The following TNK2 variants were observed in gnomAD, a reference collection of about 807,000 sequenced individuals.
The protein encoded by TNK2 is activated CDC42 kinase 1.
A neutral mutation model predicts 101.8 loss-of-function variants in TNK2; 83 were observed. The observed-to-expected ratio is 0.82, with a 90% CI of 0.68 to 0.98. The LOEUF (loss-of-function observed/expected upper bound fraction) is 0.98. Ranked by LOEUF, TNK2 falls within the 50% of genes least tolerant of loss-of-function variation. The pLI, the probability that TNK2 is intolerant of heterozygous loss-of-function variation, is 0.00. For synonymous variants in TNK2, 804 were observed against 633.0 expected (o/e 1.27, Z -4.06); for missense variants, 1,665 against 1,483.2 (o/e 1.12, Z -2.01).
rs368269910 is a variant in TNK2 at position 195,867,837 on chromosome 3, G to A, written c.2461C>T (p.Arg821Trp). Residue 821 changes from arginine to tryptophan, a missense_variant, in exon 13 of 16, where the codon CGG becomes TGG. This residue lies in a region of TNK2 where 1,136 missense variants were observed against 894.9 expected (regional missense o/e 1.27). Coordinates refer to ENST00000672887, the MANE Select transcript of TNK2 (RefSeq NM_001382273.1). ...VPPGSSPLPP[R>W]LSSSPGKTMP... The stretch of plus-strand genomic sequence containing the variant: ...GTCTTCCCAGGTGAGCTTGAGAGCC[G>A]GGGTGGCAGCGGGGAGCTGCCAGGT... 2.5e-5 allele frequency: 38 copies of A among 1,537,646 alleles called. No individual in the cohort carries two copies. The highest frequency in any genetic ancestry group is 8.7e-5 in the Admixed American group (4 of 46,036).
rs186400192 is a variant in TNK2, at chr3:195,895,720, G to A, written c.-18-7114C>T. On this transcript the variant is annotated intron_variant, in intron 1 of 15. Coordinates refer to ENST00000672887, the MANE Select transcript of TNK2 (RefSeq NM_001382273.1). ...CCAGAGCCACCAACTGGGGCCTTGGGGATTCACGAGTCCCCCGTATTCACG... is the reference window on the plus strand; with the variant it reads ...CCAGAGCCACCAACTGGGGCCTTGGAGATTCACGAGTCCCCCGTATTCACG... 1.2e-3 allele frequency among the ~76,000 whole-genome samples: 190 copies of A among 152,214 alleles called. 1 individual carries two copies. Among genetic ancestry groups the A allele is most frequent in the African/African-American group, 4.4e-3 (182 of 41,556 alleles).
intron 9 of TNK2, among the ~76,000 whole-genome samples, chr3:195,874,324 G>A (rs551951422): frequency 1.3e-4 from 20 of 152,364 alleles, no homozygotes; most frequent in African/African-American, 4.8e-4. Context: ...GCCTCCTTTG[G>A]GACCCACTTC....
chr3:195,870,175 G>C lies in TNK2; in HGVS notation c.1482C>G (p.Pro494=), dbSNP rs771074548. Residue 494 remains proline (P), a synonymous_variant, in exon 11 of 16, where the codon CCC becomes CCG. Transcript: ENST00000672887. ...ELYLGNPMDP[P]DLLSVELSTS... ...TGCTCAGTTCCACGCTCAGGAGGTC[G>C]GGGGGGTCCATGGGGTTTCCCAGAT... 2 of 1,518,880 alleles carry C rather than the reference G, an allele frequency of 1.3e-6. No homozygotes were observed. The highest frequency in any genetic ancestry group is 2.5e-5 in the South Asian group (2 of 79,544). The allele number at this position is 1,518,880 out of a possible 1,614,324, so 94.1% of individuals were successfully genotyped here.
At chr3:195,875,648 T>G (rs941564648) in intron 9 of TNK2, among the ~76,000 whole-genome samples, 4 of 102,738 alleles carry the variant, frequency 3.9e-5, no homozygotes, top group African/African-American at 2.7e-4. Context: ...AGGCCCGCCC[T>G]GTCCGCGCCC....
Position 195,888,721 on chromosome 3 carries a change from C to G in TNK2, c.-18-115G>C, listed in dbSNP as rs1256251452. 2.1e-6 allele frequency: 2 copies of G among 972,614 alleles called. No homozygotes were observed. Among genetic ancestry groups the G allele is most frequent in the African/African-American group, 3.3e-5 (2 of 60,260 alleles). The allele number at this position is 972,614 out of a possible 1,614,324, so 60.2% of individuals were successfully genotyped here. A position where few individuals can be genotyped will look rare whatever the true frequency, so the allele number is the denominator to read the frequency against. The stretch of plus-strand genomic sequence containing the variant: ...CACGGCCACCCGGAAGGGCTCACAC[C>G]ACCTTCTGACTCCCGAGGGAAGCTA... On this transcript the variant is annotated intron_variant, in intron 1 of 15. Coordinates refer to ENST00000672887, the MANE Select transcript of TNK2 (RefSeq NM_001382273.1). The surrounding 1 kb of genome is among the most constrained non-coding windows in gnomAD (Gnocchi z 5.3).
chr3:195,895,267 A>C, intron 1 of TNK2: 1 of 1,558,644 alleles, frequency 6.4e-7, no homozygotes. Context: ...CCTCGCCCCC[A>C]GCCAGGCGCT....
intron 4 of TNK2, chr3:195,883,955 T>C (rs1754437451): frequency 2.0e-5 from 3 of 151,696 alleles, no homozygotes; most frequent in Non-Finnish European, 4.4e-5. Context: ...ATGCACTGAG[T>C]GACAGCGGCT....
At chr3:195,869,031 G>C (rs993334484) in intron 12 of TNK2, 1 of 467,774 alleles carries the variant, frequency 2.1e-6, no homozygotes, top group Non-Finnish European at 3.8e-6. Flanking sequence ...CCCTGCTCCT[G>C]CGCCCTGGCG....
chr3:195,873,671 G>C (rs1045492161), intron 9 of TNK2, among the ~76,000 whole-genome samples: 1 of 152,202 alleles, frequency 6.6e-6, no homozygotes, highest in Non-Finnish European at 1.5e-5. Flanking sequence ...ACCCAGCCAG[G>C]CCGGGGAGAG....
At chr3:195,870,228 A>G in intron 10 of TNK2, 23 bp from the exon 11 acceptor site, 1 of 1,601,576 alleles carries the variant, frequency 6.2e-7, no homozygotes, top group Non-Finnish European at 8.5e-7. Flanking sequence ...GAGCTGGGTC[A>G]AGAGAGCAGG....
At chr3:195,900,292 C>T (rs1182877128) in intron 1 of TNK2, among the ~76,000 whole-genome samples, 18 of 151,916 alleles carry the variant, frequency 1.2e-4, no homozygotes. Context: ...GAGGGCAGAG[C>T]ACAGAGGCAG....
At chr3:195,890,478 A>C (rs1757958117) in intron 1 of TNK2, among the ~76,000 whole-genome samples, 1 of 136,294 alleles carries the variant, frequency 7.3e-6, no homozygotes, top group African/African-American at 2.8e-5. Flanking sequence ...TTTTTTTGAG[A>C]CAGAGTGAGA....
intron 1 of TNK2, among the ~76,000 whole-genome samples, chr3:195,900,047 C>T (rs1417849254): frequency 6.6e-6 from 1 of 152,186 alleles, no homozygotes; most frequent in African/African-American, 2.4e-5. Context: ...CACTCCGACC[C>T]CAGACCCACT....
chr3:195,893,174 C>G (rs1038239740), intron 1 of TNK2, among the ~76,000 whole-genome samples: 41 of 152,130 alleles, frequency 2.7e-4, no homozygotes, highest in African/African-American at 9.9e-4. Flanking sequence ...TGCGATGACT[C>G]CTCAGAGACC....
chr3:195,871,549 G>T (rs1216410778), intron 10 of TNK2, among the ~76,000 whole-genome samples: 1 of 152,028 alleles, frequency 6.6e-6, no homozygotes, highest in East Asian at 1.9e-4. Flanking sequence ...GGTCACAGGG[G>T]GCCACAGGGG....
At chr3:195,895,356 GC>G in intron 1 of TNK2, 1 of 1,557,782 alleles carries the variant, frequency 6.4e-7, no homozygotes, top group Admixed American at 1.9e-5. Context: ...CGCAGCCCCC[GC>G]CCCGCAGCGG....
chr3:195,893,166 C>T (rs73205796), intron 1 of TNK2, among the ~76,000 whole-genome samples: 28,414 of 151,844 alleles, frequency 0.19, 2,916 homozygotes, highest in Middle Eastern at 0.29. Flanking sequence ...CTGGGCCCTG[C>T]GATGACTCCT....
In TNK2 at chr3:195,888,466, G is replaced by A. The variant is rs374411322; in HGVS notation, c.123C>T (p.Val41=). Residue 41 remains valine (V), a synonymous_variant, in exon 2 of 16, where the codon GTC becomes GTT. Transcript: ENST00000672887. The surrounding 1 kb of genome is among the most constrained non-coding windows in gnomAD (Gnocchi z 5.3). ...CGATCTTCTCCAGGTCCTCATTCTT[G>A]ACGTACTCAAAGTGGGACAGGCGGG... is the stretch of plus-strand genomic sequence containing the variant. The part of the protein sequence containing the change: ...NVTRLSHFEY[V]KNEDLEKIGM... The A allele has an allele frequency of 3.7e-6, 6 of 1,613,900 alleles. No individual in the cohort carries two copies. The African/African-American group carries it at 8.0e-5, about 22-fold the overall frequency.
intron 15 of TNK2, among the ~76,000 whole-genome samples, chr3:195,864,775 T>C (rs542661854): frequency 8.9e-4 from 126 of 140,806 alleles, no homozygotes; most frequent in Middle Eastern, 3.5e-3. Flanking sequence ...TGCAAATCAG[T>C]AAGAACCACC....
Sources: allele counts gnomAD v4.1 joint callset (sites outside exome capture counted in the v4.1 genomes callset), GRCh38; gene constraint gnomAD v4.1.1; regional missense constraint gnomAD v4.1.1; non-coding constraint Gnocchi (gnomAD v3.1); transcripts MANE v1.5; gene names NCBI Gene and HGNC (gene_info 2026-07-23, HGNC 2026-07-21).